CDH23: variants seen among roughly 807,000 people sequenced by gnomAD.
CDH23 encodes the protein cadherin related 23, also known as cadherin-23.
Under a neutral mutation model 317.1 loss-of-function variants are expected in CDH23, and 189 were observed. That is an observed-to-expected ratio of 0.60 (90% CI 0.53 to 0.67). The LOEUF is 0.67. Ranked by LOEUF, CDH23 falls within the 30% of genes least tolerant of loss-of-function variation. The pLI, the probability that CDH23 is intolerant of heterozygous loss-of-function variation, is 0.00. For synonymous variants in CDH23, 1,839 were observed against 1,876.8 expected, an observed-to-expected ratio of 0.98 and a Z score of 0.52; for missense variants, 4,401 against 4,592.4, an observed-to-expected ratio of 0.96 and a Z score of 1.20.
chr10:71,807,537 T>C lies in CDH23; in HGVS notation c.8330T>C (p.Phe2777Ser). ...TCAGCCGGCAACGAAGAGAAGAACT[T>C]CCATCTGCAGCCCGATGGGTGTCTG... ...FIAAGNEEKN[F>S]HLQPDGCLLV... Residue 2777 changes from phenylalanine to serine, a missense_variant, in exon 59 of 70, where the codon TTC becomes TCC. Coordinates refer to ENST00000224721, the MANE Select transcript of CDH23 (RefSeq NM_022124.6). 6.2e-7 allele frequency: 1 copy of C among 1,613,856 alleles called. No individual in the cohort carries two copies. Among genetic ancestry groups the C allele is most frequent in the East Asian group, 2.2e-5 (1 of 44,876 alleles).
intron 38 of CDH23, among the ~76,000 whole-genome samples, chr10:71,758,205 G>A (rs559382579): frequency 6.6e-6 from 1 of 152,036 alleles, no homozygotes; most frequent in African/African-American, 2.4e-5. Context: ...TTGTTGGTTT[G>A]AAAAAAGGGT....
intron 3 of CDH23, chr10:71,509,851 G>GT: frequency 3.6e-6 from 2 of 561,064 alleles, no homozygotes. Flanking sequence ...AACATGGTGA[G>GT]TGGTGGTTCC....
At chr10:71,720,006 A>G (rs573459780) in intron 28 of CDH23, among the ~76,000 whole-genome samples, 1 of 152,220 alleles carries the variant, frequency 6.6e-6, no homozygotes, top group South Asian at 2.1e-4. Flanking sequence ...ACGCAGGGGG[A>G]GGGTTTTACT....
intron 14 of CDH23, 167 bp downstream of exon 14, chr10:71,646,784 G>A (rs772087407): frequency 1.9e-6 from 3 of 1,570,842 alleles, no homozygotes; most frequent in Non-Finnish European, 2.6e-6. Flanking sequence ...GACTCTTCAG[G>A]AAGGGGCTCC....
Position 71,739,779 on chromosome 10 carries a change from C to T in CDH23, c.4488+7C>T, listed in dbSNP as rs374215303. 1.4e-4 allele frequency: 230 copies of T among 1,606,196 alleles called. No homozygotes were observed. The African/African-American group carries it at 2.8e-3, about 20-fold the overall frequency. Reference sequence around the variant, plus strand: ...GGATCACTACATCCTCCAGGTGGGGCCTGGCCTCCCTTGGACTGAGAGACC... The same window carrying T: ...GGATCACTACATCCTCCAGGTGGGGTCTGGCCTCCCTTGGACTGAGAGACC... On this transcript the variant is annotated splice_region_variant and intron_variant, in intron 36 of 69. Coordinates refer to ENST00000224721, the MANE Select transcript of CDH23 (RefSeq NM_022124.6).
At chr10:71,747,081 A>C (rs1839870035) in intron 38 of CDH23, among the ~76,000 whole-genome samples, 1 of 152,188 alleles carries the variant, frequency 6.6e-6, no homozygotes, top group African/African-American at 2.4e-5. Context: ...CAGCACAAGT[A>C]CATCCAGACC....
intron 66 of CDH23, 115 bp from the exon 67 acceptor site, chr10:71,812,361 AAGTC>A: frequency 1.2e-6 from 2 of 1,600,668 alleles, no homozygotes; most frequent in East Asian, 4.5e-5. Flanking sequence ...CTCACACCCC[AAGTC>A]AGTGAAAGGC....
chr10:71,400,574 T>G (rs1589258679), intron 1 of CDH23, among the ~76,000 whole-genome samples: 1 of 152,124 alleles, frequency 6.6e-6, no homozygotes, highest in Non-Finnish European at 1.5e-5. Flanking sequence ...CCAAGGCAGG[T>G]GGATCACTTG....
intron 9 of CDH23, among the ~76,000 whole-genome samples, chr10:71,594,361 C>T (rs1859701932): frequency 6.7e-6 from 1 of 148,712 alleles, no homozygotes; most frequent in African/African-American, 2.5e-5. Flanking sequence ...CTCTCCCTCC[C>T]TCTCTCTCTC....
intron 8 of CDH23, among the ~76,000 whole-genome samples, chr10:71,571,269 C>T (rs887073973): frequency 2.0e-5 from 3 of 151,830 alleles, no homozygotes; most frequent in African/African-American, 7.2e-5. Flanking sequence ...CACAGAACAT[C>T]AGTGTGGCTC....
chr10:71,811,811 G>A, intron 65 of CDH23, 58 bp downstream of exon 65: 1 of 1,476,288 alleles, frequency 6.8e-7, no homozygotes, highest in East Asian at 2.6e-5. Flanking sequence ...GGGACCTGGA[G>A]TGCCCACCGG....
chr10:71,590,475 A>G (rs1193156414), intron 9 of CDH23, among the ~76,000 whole-genome samples: 1 of 152,044 alleles, frequency 6.6e-6, no homozygotes, highest in Non-Finnish European at 1.5e-5. Flanking sequence ...CCCCGCCCTC[A>G]CTTGTAGGAT....
chr10:71,490,432 G>A (rs1852590901), intron 3 of CDH23, among the ~76,000 whole-genome samples: 1 of 152,166 alleles, frequency 6.6e-6, no homozygotes, highest in Non-Finnish European at 1.5e-5. Flanking sequence ...ACATACTGAA[G>A]CCACATGGTA....
chr10:71,712,829 C>T lies in CDH23; in HGVS notation c.3369+16C>T. ...CATCTTGCAGGCAGGTGGCCCGTGGCCTCTGGGGCAGGTGGTGGGCTGGGG... is the reference window on the plus strand; with the variant it reads ...CATCTTGCAGGCAGGTGGCCCGTGGTCTCTGGGGCAGGTGGTGGGCTGGGG... On this transcript the variant is annotated intron_variant, in intron 28 of 69. Coordinates refer to ENST00000224721, the MANE Select transcript of CDH23 (RefSeq NM_022124.6). 3 of 1,607,768 alleles carry T rather than the reference C, an allele frequency of 1.9e-6. No individual in the cohort carries two copies. The highest frequency in any genetic ancestry group is 2.5e-6 in the Non-Finnish European group (3 of 1,177,508).
chr10:71,805,670 C>G, intron 55 of CDH23, 136 bp from the exon 56 acceptor site: 1 of 832,508 alleles, frequency 1.2e-6, no homozygotes, highest in Non-Finnish European at 1.8e-6. Context: ...GCCGAGCAGG[C>G]AGGCGCTCCT....
At chr10:71,790,834 T>G in intron 46 of CDH23, 1 of 506,398 alleles carries the variant, frequency 2.0e-6, no homozygotes, top group Non-Finnish European at 3.6e-6. Flanking sequence ...GGAAAGCACA[T>G]CTGTCAACAG....
At chr10:71,507,272 G>A (rs1327889605) in intron 3 of CDH23, among the ~76,000 whole-genome samples, 1 of 152,214 alleles carries the variant, frequency 6.6e-6, no homozygotes, top group Non-Finnish European at 1.5e-5. Context: ...GTAACTCAGT[G>A]TTTCCCAAAC....
At position 71,446,539 on chromosome 10, in the gene CDH23, T is replaced by C. The variant is rs1182330301; in HGVS notation, c.145+144T>C. The C allele has an allele frequency of 7.9e-6, 6 of 760,932 alleles. No individual in the cohort carries two copies. In the African/African-American group the frequency reaches 8.5e-5, roughly 11 times the overall value. The allele number at this position is 760,932 out of a possible 1,614,324, so 47.1% of individuals were successfully genotyped here. A position where few individuals can be genotyped will look rare whatever the true frequency, so the allele number is the denominator to read the frequency against. On this transcript the variant is annotated intron_variant, in intron 3 of 69. Transcript: ENST00000224721. ...TTGTGTAGAAAGGCCCCTGCTAGGA[T>C]GCCTCCAGGGACAGGGCACTCAGTC...
chr10:71,800,666 C>G lies in CDH23; in HGVS notation c.7393C>G (p.Arg2465Gly). 6.2e-7 allele frequency: 1 copy of G among 1,613,904 alleles called. No individual in the cohort carries two copies. The highest frequency in any genetic ancestry group is 8.5e-7 in the Non-Finnish European group (1 of 1,179,880). The change falls in exon 53 of 70, where the codon CGG (arginine) becomes GGG (glycine). Residue 2465 changes from arginine to glycine, a missense_variant. Transcript: ENST00000224721. ...GDIYVLSSLD[R>G]EKKDHYILTA... ...CATCTATGTGCTGTCTTCTCTGGAC[C>G]GGGAGAAGAAGGACCACTATATCCT...
Sources: gnomAD v4.1 joint callset for allele counts (sites outside exome capture counted in the v4.1 genomes callset) on GRCh38, gnomAD v4.1.1 for gene constraint, MANE v1.5 for transcripts, NCBI Gene and HGNC (gene_info 2026-07-23, HGNC 2026-07-21) for gene names.